DCDC2C: variants seen among roughly 807,000 people sequenced by gnomAD.
DCDC2C encodes doublecortin domain containing 2C, also known as doublecortin domain-containing protein 2C.
In DCDC2C, 44 loss-of-function variants were observed where a neutral mutation model predicts 45.0. That is an observed-to-expected ratio of 0.98 (90% CI 0.77 to 1.26). The LOEUF (loss-of-function observed/expected upper bound fraction) is 1.26, where lower values mean the gene tolerates loss of function less well. Among genes scored for constraint, DCDC2C ranks in the 50% most tolerant of loss-of-function variants. DCDC2C has a pLI of 0.00. For synonymous variants in DCDC2C, 187 were observed against 178.8 expected (o/e 1.05, Z -0.37); for missense variants, 447 against 468.9 (o/e 0.95, Z 0.43).
chr2:3,723,326 T>G (rs1249681249), intron 2 of DCDC2C, among the ~76,000 whole-genome samples: 2 of 152,124 alleles, frequency 1.3e-5, no homozygotes, highest in Non-Finnish European at 2.9e-5. Context: ...TGGATGAAAG[T>G]AACTGCAGGT....
At position 3,704,006 on chromosome 2, in the gene DCDC2C, G is replaced by T; in HGVS notation, c.255G>T (p.Val85=). 1 of 1,286,838 alleles carries T rather than the reference G, an allele frequency of 7.8e-7. No individual in the cohort carries two copies. Among genetic ancestry groups the T allele is most frequent in the South Asian group, 2.4e-5 (1 of 42,362 alleles). The allele number at this position is 1,286,838 out of a possible 1,614,324, so 79.7% of individuals were successfully genotyped here. A position where few individuals can be genotyped will look rare whatever the true frequency, so the allele number is the denominator to read the frequency against. ...LDALQAGGKY[V]AAGRERFKEL... ...CGCTGCAGGCGGGCGGCAAGTACGTGGCGGCGGGCCGCGAGCGCTTCAAGG... is the reference window on the plus strand; with the variant it reads ...CGCTGCAGGCGGGCGGCAAGTACGTTGCGGCGGGCCGCGAGCGCTTCAAGG... Residue 85 remains valine (V), a synonymous_variant, in exon 1 of 11, where the codon GTG becomes GTT. Coordinates refer to ENST00000399143, the MANE Select transcript of DCDC2C (RefSeq NM_001287444.2).
At chr2:3,721,395 C>T (rs1668501036) in intron 2 of DCDC2C, among the ~76,000 whole-genome samples, 1 of 152,100 alleles carries the variant, frequency 6.6e-6, no homozygotes, top group Non-Finnish European at 1.5e-5. Context: ...AAACAATTTG[C>T]TTCATATGAG....
chr2:3,763,184 C>T (rs1484584723), intron 6 of DCDC2C, among the ~76,000 whole-genome samples: 2 of 152,202 alleles, frequency 1.3e-5, no homozygotes, highest in Non-Finnish European at 2.9e-5. Context: ...TTCGTTCTGG[C>T]ATTTGGATGA....
At chr2:3,748,970 C>T (rs1669456335) in intron 4 of DCDC2C, among the ~76,000 whole-genome samples, 1 of 152,176 alleles carries the variant, frequency 6.6e-6, no homozygotes, top group African/African-American at 2.4e-5. Flanking sequence ...GAAGCCTTAG[C>T]TGAAAATCAC....
chr2:3,770,395 T>C (rs1670131466), intron 8 of DCDC2C, among the ~76,000 whole-genome samples: 1 of 152,198 alleles, frequency 6.6e-6, no homozygotes, highest in Admixed American at 6.5e-5. Flanking sequence ...CTGTGACACA[T>C]TTGAAAAATA....
intron 10 of DCDC2C, among the ~76,000 whole-genome samples, chr2:3,846,733 G>C (rs535043980): frequency 2.0e-5 from 3 of 152,086 alleles, no homozygotes; most frequent in African/African-American, 4.8e-5. Flanking sequence ...TCAGCACCAC[G>C]TTTGAACCAA....
intron 10 of DCDC2C, among the ~76,000 whole-genome samples, chr2:3,808,423 C>T (rs112868574): frequency 8.6e-5 from 13 of 151,764 alleles, no homozygotes; most frequent in African/African-American, 1.9e-4. Flanking sequence ...GATTGGTTCT[C>T]GCTCTGTTAC....
chr2:3,715,600 A>G (rs1176553020), intron 2 of DCDC2C, among the ~76,000 whole-genome samples: 1 of 152,160 alleles, frequency 6.6e-6, no homozygotes, highest in Non-Finnish European at 1.5e-5. Flanking sequence ...CCATCCATCC[A>G]TCCATTCATC....
intron 1 of DCDC2C, 79 bp from the exon 2 acceptor site, chr2:3,708,470 G>A: frequency 8.8e-7 from 1 of 1,132,548 alleles, no homozygotes; most frequent in Non-Finnish European, 1.2e-6. Flanking sequence ...GCCGGAAAAG[G>A]ACTCGTTTCT....
At chr2:3,841,038 G>A (rs190027547) in intron 10 of DCDC2C, among the ~76,000 whole-genome samples, 308 of 152,338 alleles carry the variant, frequency 2.0e-3, no homozygotes, top group African/African-American at 7.1e-3. Flanking sequence ...ACCGTACGGT[G>A]GCACAATCTC....
chr2:3,731,929 T>C (rs1235303526), intron 3 of DCDC2C, among the ~76,000 whole-genome samples: 4 of 152,084 alleles, frequency 2.6e-5, no homozygotes, highest in Non-Finnish European at 4.4e-5. Flanking sequence ...CAGGACCATA[T>C]GTATGAGTAT....
chr2:3,789,071 T>G (rs28592924), intron 10 of DCDC2C, among the ~76,000 whole-genome samples: 72,146 of 151,794 alleles, frequency 0.48, 17,746 homozygotes, highest in East Asian at 0.82. Context: ...AGGCTGATCT[T>G]GAACTCCTGA....
intron 10 of DCDC2C, chr2:3,844,782 G>A (rs1465562231): frequency 6.6e-6 from 1 of 152,130 alleles, no homozygotes; most frequent in African/African-American, 2.4e-5. Flanking sequence ...GAGGGAAGAG[G>A]GTTGTTAGCG....
At chr2:3,746,282 C>T (rs541213057) in intron 4 of DCDC2C, among the ~76,000 whole-genome samples, 2 of 152,282 alleles carry the variant, frequency 1.3e-5, no homozygotes, top group South Asian at 2.1e-4. Flanking sequence ...AACTGAAGGA[C>T]GCGGAGGAGC....
chr2:3,781,241 G>C (rs1389889296), intron 9 of DCDC2C, among the ~76,000 whole-genome samples: 2 of 152,252 alleles, frequency 1.3e-5, no homozygotes, highest in African/African-American at 4.8e-5. Context: ...AGGCCACGGT[G>C]AGCTAACCCT....
At chr2:3,776,866 C>T (rs1367223800) in intron 8 of DCDC2C, among the ~76,000 whole-genome samples, 1 of 152,208 alleles carries the variant, frequency 6.6e-6, no homozygotes, top group Admixed American at 6.5e-5. Context: ...GCATGAATGA[C>T]ACCCAGATCC....
Position 3,703,910 on chromosome 2 carries a change from G to A in DCDC2C, c.159G>A (p.Gln53=). ...FEALLEQLTE[Q]VDVPFGVRRL... is the part of the protein sequence containing the mutation. Reference sequence around the variant, plus strand: ...CGCTGCTGGAGCAGCTCACGGAGCAGGTGGACGTCCCGTTCGGCGTGCGCC... The same window carrying A: ...CGCTGCTGGAGCAGCTCACGGAGCAAGTGGACGTCCCGTTCGGCGTGCGCC... The change falls in exon 1 of 11, where the codon CAG becomes CAA. Residue 53 remains glutamine, a synonymous_variant. Coordinates refer to ENST00000399143, the MANE Select transcript of DCDC2C (RefSeq NM_001287444.2). This position sits in a 1 kb window ranked among gnomAD's most constrained non-coding sequence, Gnocchi z 4.4. 7.4e-7 allele frequency: 1 copy of A among 1,343,680 alleles called. No homozygotes were observed. The highest frequency in any genetic ancestry group is 9.6e-7 in the Non-Finnish European group (1 of 1,043,462). 83.2% of individuals were successfully genotyped at this position (1,343,680 alleles called of 1,614,324 possible). A position where few individuals can be genotyped will look rare whatever the true frequency, so the allele number is the denominator to read the frequency against.
intron 1 of DCDC2C, among the ~76,000 whole-genome samples, chr2:3,704,603 GGGGAGGGGTGTGGAGA>G (rs1196268295): frequency 1.1e-3 from 4 of 3,792 alleles, no homozygotes; most frequent in African/African-American, 3.6e-3. Context: ...GGGGGGCGTG[GGGGAGGGGTGTGGAGA>G]GGGGCGTGGG....
intron 9 of DCDC2C, among the ~76,000 whole-genome samples, chr2:3,781,824 T>TGCA (rs1670516677): frequency 6.6e-6 from 1 of 152,122 alleles, no homozygotes; most frequent in Non-Finnish European, 1.5e-5. Flanking sequence ...GAGTTACAGT[T>TGCA]GTGCCACTCC....
Sources: allele counts gnomAD v4.1 joint callset (sites outside exome capture counted in the v4.1 genomes callset), GRCh38; gene constraint gnomAD v4.1.1; non-coding constraint Gnocchi (gnomAD v3.1); transcripts MANE v1.5; gene names NCBI Gene and HGNC (gene_info 2026-07-23, HGNC 2026-07-21).